The following ANKLE1 variants were observed in gnomAD, a reference collection of about 807,000 sequenced individuals.
ANKLE1 encodes ankyrin repeat and LEM domain containing 1.
A neutral mutation model predicts 56.2 loss-of-function variants in ANKLE1; 59 were observed. The observed-to-expected ratio is 1.05, with a 90% CI of 0.85 to 1.30. The LOEUF (loss-of-function observed/expected upper bound fraction) is 1.30. ANKLE1 is among the 50% of genes most tolerant of loss of function. The pLI, the probability that ANKLE1 is intolerant of heterozygous loss-of-function variation, is 0.00. For missense variants in ANKLE1, 771 were observed against 816.1 expected, an observed-to-expected ratio of 0.94 and a Z score of 0.67; for synonymous variants, 341 against 352.9, an observed-to-expected ratio of 0.97 and a Z score of 0.38.
chr19:17,284,901 C>G (rs1395879169), intron 6 of ANKLE1, among the ~76,000 whole-genome samples: 2 of 151,800 alleles, frequency 1.3e-5, no homozygotes, highest in Non-Finnish European at 2.9e-5. Flanking sequence ...GTTGGCCAGG[C>G]TGGTCTTGAG....
chr19:17,282,803 C>A, intron 3 of ANKLE1, 42 bp downstream of exon 3: 1 of 1,575,828 alleles, frequency 6.3e-7, no homozygotes, highest in East Asian at 2.3e-5. Context: ...TGGGTGAGCC[C>A]AGAGGGAGGG....
chr19:17,284,778 T>G (rs750849294), intron 6 of ANKLE1, among the ~76,000 whole-genome samples: 1 of 139,568 alleles, frequency 7.2e-6, no homozygotes, highest in Non-Finnish European at 1.5e-5. Flanking sequence ...CTCCGCCTCC[T>G]GGGTTCAAGT....
Position 17,283,720 on chromosome 19 carries a change from GC to G in ANKLE1, c.958del (p.Leu320CysfsTer17). On this transcript the variant is annotated frameshift_variant, in exon 5 of 9. Coordinates refer to ENST00000404085, the MANE Select transcript of ANKLE1 (RefSeq NM_152363.6). LOFTEE classifies it high-confidence loss of function. The stretch of plus-strand genomic sequence containing the variant: ...ACCCCTGGAGCTTCTGACTGCCACT[GC>G]CTGTGGGAGCACCAGACATCCATTG... ...TPTPGASDCHCLWEHQTSIDS... is the reference protein window; with the variant it reads ...TPTPGASDCHXLWEHQTSIDS... 1 of 1,613,552 alleles carries G rather than the reference GC, an allele frequency of 6.2e-7. No homozygotes were observed.
In ANKLE1 at chr19:17,286,694, G is replaced by GTT; in HGVS notation, c.*143_*144insTT. ...TGTGTGTGTGTGTGTGTGTGTGTTT[G>GTT]TGTGTGTGTGTGTGTGTGTAGGGAG... On this transcript the variant is annotated 3_prime_UTR_variant, in exon 9 of 9. Transcript: ENST00000404085. 1.5e-6 allele frequency: 2 copies of GTT among 1,319,918 alleles called. No individual in the cohort carries two copies. Among genetic ancestry groups the GTT allele is most frequent in the East Asian group, 8.6e-5 (2 of 23,188 alleles). 81.8% of individuals were successfully genotyped at this position (1,319,918 alleles called of 1,614,324 possible).
chr19:17,284,746 C>T (rs527745874), intron 6 of ANKLE1, among the ~76,000 whole-genome samples: 59 of 128,480 alleles, frequency 4.6e-4, no homozygotes, highest in African/African-American at 1.8e-3. Context: ...AATGTAGTAG[C>T]GCAATCTTGG....
chr19:17,285,600 C>T lies in ANKLE1; in HGVS notation c.1536+10C>T, dbSNP rs370339417. On this transcript the variant is annotated intron_variant, in intron 7 of 8. Coordinates refer to ENST00000404085, the MANE Select transcript of ANKLE1 (RefSeq NM_152363.6). The stretch of plus-strand genomic sequence containing the variant: ...GCGGTCAAGAAAACAGGTGTGAGGA[C>T]AGGGATCAGGGTTCAGCGAGGGCAG... The T allele has an allele frequency of 1.9e-6, 3 of 1,613,798 alleles. No individual in the cohort carries two copies. In the African/African-American group the frequency reaches 4.0e-5, roughly 22 times the overall value.
At position 17,282,774 on chromosome 19, in the gene ANKLE1, T is replaced by G. The variant is rs2145635635; in HGVS notation, c.321+13T>G. 6.4e-7 allele frequency: 1 copy of G among 1,556,534 alleles called. No homozygotes were observed. The highest frequency in any genetic ancestry group is 2.4e-5 in the East Asian group (1 of 42,490). On this transcript the variant is annotated intron_variant, in intron 3 of 8. Transcript: ENST00000404085. ...GCTGCGCGACCAGGTTGGGAGGCAC[T>G]GCGCGGGCAAAGAAAGGCTGGGTGA...
intron 8 of ANKLE1, 129 bp downstream of exon 8, chr19:17,285,948 C>T: frequency 1.5e-6 from 2 of 1,298,668 alleles, no homozygotes; most frequent in Non-Finnish European, 1.1e-6. Flanking sequence ...TTTGAACCTG[C>T]ACATGCATGT....
chr19:17,284,045 C>G (rs200487914), intron 5 of ANKLE1, 44 bp from the exon 6 acceptor site: 1 of 1,606,686 alleles, frequency 6.2e-7, no homozygotes, highest in Admixed American at 1.7e-5. Context: ...CACTTTCCTC[C>G]CCATCTCAGA....
chr19:17,286,302 G>A (rs994680228), intron 8 of ANKLE1, 78 bp from the exon 9 acceptor site: 81 of 1,495,576 alleles, frequency 5.4e-5, no homozygotes, highest in Admixed American at 9.3e-5. Context: ...ATACCCAGCC[G>A]CCTGCTGTCA....
At position 17,283,544 on chromosome 19, in the gene ANKLE1, G is replaced by A. The variant is rs746810204; in HGVS notation, c.780G>A (p.Arg260=). ...GLLHVVHANQ[R]VPRSQGTEAE... is the part of the protein sequence containing the mutation. ...TGCATGTTGTCCATGCCAACCAGAG[G>A]GTACCTAGGTCTCAGGGCACGGAGG... Residue 260 remains arginine (R), a synonymous_variant, in exon 5 of 9, where the codon AGG becomes AGA. Transcript: ENST00000404085. 5 of 1,612,970 alleles carry A rather than the reference G, an allele frequency of 3.1e-6. No homozygotes were observed. The highest frequency in any genetic ancestry group is 1.7e-5 in the Admixed American group (1 of 60,010).
intron 6 of ANKLE1, among the ~76,000 whole-genome samples, chr19:17,285,190 T>G (rs1599513150): frequency 6.7e-6 from 1 of 149,686 alleles, no homozygotes; most frequent in African/African-American, 2.5e-5. Context: ...ACCCAGGAGG[T>G]GGAGATTGCA....
chr19:17,282,470 G>C lies in ANKLE1; in HGVS notation c.216-186G>C, dbSNP rs1049569971. ...TCGGATATTGGAGTGGAGGCACCAG[G>C]GTCAGACGGCAGAGGTTTGGGTCCT... On this transcript the variant is annotated intron_variant, in intron 2 of 8. Coordinates refer to ENST00000404085, the MANE Select transcript of ANKLE1 (RefSeq NM_152363.6). 35 of 815,350 alleles carry C rather than the reference G, an allele frequency of 4.3e-5. No individual in the cohort carries two copies. In the African/African-American group the frequency reaches 5.1e-4, roughly 12 times the overall value. 50.5% of individuals were successfully genotyped at this position (815,350 alleles called of 1,614,324 possible). A position where few individuals can be genotyped will look rare whatever the true frequency, so the allele number is the denominator to read the frequency against.
rs1219710034 is a variant in ANKLE1, at chr19:17,283,716, C to T, written c.952C>T (p.His318Tyr). The T allele has an allele frequency of 6.2e-7, 1 of 1,613,664 alleles. No homozygotes were observed. Among genetic ancestry groups the T allele is most frequent in the South Asian group, 1.1e-5 (1 of 91,088 alleles). Residue 318 changes from histidine (H) to tyrosine (Y), a missense_variant, in exon 5 of 9, where the codon CAC (histidine) becomes TAC (tyrosine). By Grantham distance (83) the His-to-Tyr change is moderately conservative. Transcript: ENST00000404085. The part of the protein sequence containing the change: ...RTPTPGASDC[H>Y]CLWEHQTSID... ...ACCAACCCCTGGAGCTTCTGACTGC[C>T]ACTGCCTGTGGGAGCACCAGACATC...
Position 17,286,739 on chromosome 19 carries a change from C to T in ANKLE1, c.*187C>T. Reference sequence around the variant, plus strand: ...AGGGAGCACCCAGGCAGATCTCCCCCAGGCTGAGAGAGGACTTTGTTACAG... The same window carrying T: ...AGGGAGCACCCAGGCAGATCTCCCCTAGGCTGAGAGAGGACTTTGTTACAG... On this transcript the variant is annotated 3_prime_UTR_variant, in exon 9 of 9. Transcript: ENST00000404085. 1 of 1,451,738 alleles carries T rather than the reference C, an allele frequency of 6.9e-7. No homozygotes were observed. The highest frequency in any genetic ancestry group is 2.6e-5 in the East Asian group (1 of 38,420). The allele number at this position is 1,451,738 out of a possible 1,614,324, so 89.9% of individuals were successfully genotyped here.
Position 17,283,235 on chromosome 19 carries a change from C to T in ANKLE1, c.471C>T (p.Leu157=), listed in dbSNP as rs917482440. ...EPEPAPGTPG[L]SGPTDETLDS... is the part of the protein sequence containing the mutation. Reference sequence around the variant, plus strand: ...CACTCTCACCTGCAGCCCCAGGCCTCTCTGGACCTACCGATGAGACGCTGG... The same window carrying T: ...CACTCTCACCTGCAGCCCCAGGCCTTTCTGGACCTACCGATGAGACGCTGG... Residue 157 remains leucine, a synonymous_variant, in exon 5 of 9, where the codon CTC becomes CTT. Transcript: ENST00000404085. 1.2e-6 allele frequency: 2 copies of T among 1,611,194 alleles called. No individual in the cohort carries two copies. The highest frequency in any genetic ancestry group is 2.7e-5 in the African/African-American group (2 of 74,868).
chr19:17,286,234 C>A, intron 8 of ANKLE1, 146 bp from the exon 9 acceptor site: 1 of 1,119,984 alleles, frequency 8.9e-7, no homozygotes, highest in Admixed American at 3.1e-5. Context: ...AGGCTGGTCT[C>A]GAACTCCTGG....
chr19:17,283,361 T>C lies in ANKLE1; in HGVS notation c.597T>C (p.Thr199=), dbSNP rs2073996293. ...GPPSLPVPLE[T]VDKHGSSASP... ...CCAGCCTCCCTGTTCCCCTTGAAAC[T>C]GTGGACAAACATGGGAGCTCGGCGT... Residue 199 remains threonine (T), a synonymous_variant, in exon 5 of 9, where the codon ACT becomes ACC. Transcript: ENST00000404085. 6.2e-7 allele frequency: 1 copy of C among 1,613,684 alleles called. No homozygotes were observed.
Position 17,282,078 on chromosome 19 carries a change from C to G in ANKLE1, c.84C>G (p.Arg28=). ...GCAGGGCAGTAGAGGAGCTGCTGCG[C>G]TGCGGCGCGGACCCTAATTTGGTGC... ...EEPWAVEELL[R]CGADPNLVLE... Residue 28 remains arginine (R), a synonymous_variant, in exon 2 of 9, where the codon CGC becomes CGG. Transcript: ENST00000404085. 6.5e-7 allele frequency: 1 copy of G among 1,540,036 alleles called. No homozygotes were observed. The highest frequency in any genetic ancestry group is 8.7e-7 in the Non-Finnish European group (1 of 1,146,644).
Sources: gnomAD v4.1 joint callset for allele counts (sites outside exome capture counted in the v4.1 genomes callset) on GRCh38, gnomAD v4.1.1 for gene constraint, MANE v1.5 for transcripts, NCBI Gene and HGNC (gene_info 2026-07-23, HGNC 2026-07-21) for gene names.